The following RSF1 variants were observed in gnomAD, a reference collection of about 807,000 sequenced individuals.
RSF1 encodes the protein remodeling and spacing factor 1.
A neutral mutation model predicts 145.2 loss-of-function variants in RSF1; 13 were observed. That is an observed-to-expected ratio of 0.09 (90% CI 0.06 to 0.14). RSF1 has a LOEUF of 0.14. Among genes scored for constraint, RSF1 ranks in the 10% least tolerant of loss-of-function variants. RSF1 has a pLI of 1.00. For synonymous variants in RSF1, 577 were observed against 592.6 expected, an observed-to-expected ratio of 0.97 and a Z score of 0.38; for missense variants, 1,517 against 1,718.2, an observed-to-expected ratio of 0.88 and a Z score of 2.07.
intron 1 of RSF1, chr11:77,813,203 T>C: frequency 2.2e-6 from 1 of 450,470 alleles, no homozygotes; most frequent in South Asian, 4.0e-5. Flanking sequence ...AAATGAATAT[T>C]AAAACTTACT....
chr11:77,844,916 A>G, the RSF1 span, among the ~76,000 whole-genome samples: 1 of 152,174 alleles, frequency 6.6e-6, no homozygotes, highest in Non-Finnish European at 1.5e-5. Flanking sequence ...TTCTTTCAGC[A>G]CTTTCAATAT....
At chr11:77,749,206 T>C (rs1373166989) in intron 2 of RSF1, among the ~76,000 whole-genome samples, 1 of 152,120 alleles carries the variant, frequency 6.6e-6, no homozygotes, top group Non-Finnish European at 1.5e-5. Flanking sequence ...TTTAGAGTAA[T>C]AAAAGTGTTC....
intron 4 of RSF1, among the ~76,000 whole-genome samples, chr11:77,730,524 T>A (rs114080355): frequency 1.3e-5 from 2 of 152,202 alleles, no homozygotes; most frequent in African/African-American, 2.4e-5. Flanking sequence ...CTCCTGTCCT[T>A]TCCTACTCAA....
chr11:77,838,407 A>C, the RSF1 span, among the ~76,000 whole-genome samples: 1 of 152,192 alleles, frequency 6.6e-6, no homozygotes, highest in African/African-American at 2.4e-5. Context: ...TTTAAAGTCC[A>C]AGCAAAACTG....
At chr11:77,825,032 G>A (rs1329943651), upstream of RSF1, among the ~76,000 whole-genome samples, 1 of 152,138 alleles carries the variant, frequency 6.6e-6, no homozygotes, top group African/African-American at 2.4e-5. Context: ...CCAGGCTAGA[G>A]TGCAGTGACG....
the RSF1 span, among the ~76,000 whole-genome samples, chr11:77,851,789 T>A: frequency 0.013 from 1,942 of 152,280 alleles, 45 homozygotes; most frequent in African/African-American, 0.043. Context: ...GATGCTGGTA[T>A]CATGCTTGTA....
rs185715692 is a variant in RSF1, at chr11:77,674,738, G to A, written c.3562+298C>T. Among the ~76,000 whole-genome samples the A allele has an allele frequency of 2.2e-3, 342 of 152,348 alleles. 2 individuals carry two copies. Among genetic ancestry groups the A allele is most frequent in the African/African-American group, 8.0e-3 (332 of 41,586 alleles). ...TGAGCTGGCCAGCGTGCTGGCTCACGCCTGTAATCCCAGCACTTTGGGAGG... is the reference window on the plus strand; with the variant it reads ...TGAGCTGGCCAGCGTGCTGGCTCACACCTGTAATCCCAGCACTTTGGGAGG... On this transcript the variant is annotated intron_variant, in intron 14 of 15. Transcript: ENST00000308488.
At chr11:77,678,195 T>G in intron 11 of RSF1, 42 bp from the exon 12 acceptor site, 1 of 17,254 alleles carries the variant, frequency 5.8e-5, no homozygotes, top group African/African-American at 3.2e-3. Flanking sequence ...TGTCCTGGCT[T>G]TTTTTTTTTT....
At chr11:77,731,911 AG>A (rs1424926405) in intron 4 of RSF1, among the ~76,000 whole-genome samples, 1 of 152,230 alleles carries the variant, frequency 6.6e-6, no homozygotes, top group Non-Finnish European at 1.5e-5. Flanking sequence ...GCAGTGTGGA[AG>A]GGAAATGTGG....
At chr11:77,762,022 C>CTTTTTT (rs1554994575) in intron 2 of RSF1, 6 of 80,284 alleles carry the variant, frequency 7.5e-5, no homozygotes, top group South Asian at 6.2e-4. Flanking sequence ...ATTTTCTTTT[C>CTTTTTT]TTTTCTTTTT....
intron 1 of RSF1, among the ~76,000 whole-genome samples, chr11:77,775,044 C>T (rs1619627): frequency 2.0e-5 from 3 of 151,686 alleles, no homozygotes; most frequent in South Asian, 2.1e-4. Context: ...GGATTACAGG[C>T]GTGAGCCACT....
chr11:77,785,754 G>GAA (rs59830662), intron 1 of RSF1, among the ~76,000 whole-genome samples: 2 of 140,042 alleles, frequency 1.4e-5, no homozygotes, highest in Non-Finnish European at 1.6e-5. Flanking sequence ...CGTCTCTACT[G>GAA]AAAAAAAAAA....
intron 3 of RSF1, among the ~76,000 whole-genome samples, chr11:77,743,758 G>A (rs563738344): frequency 2.6e-5 from 4 of 152,276 alleles, no homozygotes; most frequent in Non-Finnish European, 4.4e-5. Context: ...TATGTTGAAT[G>A]TAAGTGGCAA....
chr11:77,818,089 C>T (rs1429870314), intron 1 of RSF1, among the ~76,000 whole-genome samples: 2 of 152,142 alleles, frequency 1.3e-5, no homozygotes, highest in African/African-American at 4.8e-5. Context: ...TATTATCAGT[C>T]CCCTTAGCAA....
intron 1 of RSF1, among the ~76,000 whole-genome samples, chr11:77,767,531 A>G (rs1360925655): frequency 1.3e-5 from 2 of 152,220 alleles, no homozygotes; most frequent in East Asian, 1.9e-4. Flanking sequence ...TACTTCCTGC[A>G]CTGAAATCCT....
intron 1 of RSF1, among the ~76,000 whole-genome samples, chr11:77,788,871 G>T (rs1486009305): frequency 6.6e-6 from 1 of 152,164 alleles, no homozygotes; most frequent in Non-Finnish European, 1.5e-5. Flanking sequence ...ACTTTGAATA[G>T]ATCACCCAAG....
chr11:77,678,401 G>C (rs1490616606), intron 11 of RSF1, among the ~76,000 whole-genome samples: 2 of 152,026 alleles, frequency 1.3e-5, no homozygotes, highest in African/African-American at 2.4e-5. Context: ...ACTTTTAGTA[G>C]AGACAGGGTT....
At chr11:77,770,526 A>G (rs1187491355) in intron 1 of RSF1, among the ~76,000 whole-genome samples, 2 of 152,196 alleles carry the variant, frequency 1.3e-5, no homozygotes, top group African/African-American at 2.4e-5. Context: ...CCTCATTACC[A>G]TTGTGGAAAA....
At chr11:77,745,337 A>T (rs1208253104) in intron 3 of RSF1, among the ~76,000 whole-genome samples, 1 of 151,866 alleles carries the variant, frequency 6.6e-6, no homozygotes, top group African/African-American at 2.4e-5. Flanking sequence ...TCGTTCTTCT[A>T]GTTTCTTGCA....
Sources: gnomAD v4.1 joint callset for allele counts (sites outside exome capture counted in the v4.1 genomes callset) on GRCh38, gnomAD v4.1.1 for gene constraint, MANE v1.5 for transcripts, NCBI Gene and HGNC (gene_info 2026-07-23, HGNC 2026-07-21) for gene names.